PRMT2: variants seen among roughly 807,000 people sequenced by gnomAD.
The protein encoded by PRMT2 is protein arginine methyltransferase 2.
A neutral mutation model predicts 57.6 loss-of-function variants in PRMT2; 26 were observed. The ratio of observed to expected loss-of-function variants is 0.45; its 90% confidence interval spans 0.33 to 0.63. The LOEUF (loss-of-function observed/expected upper bound fraction) is 0.63. PRMT2 is among the 20% of genes least tolerant of loss of function. The pLI, the probability that PRMT2 is intolerant of heterozygous loss-of-function variation, is 0.02. For synonymous variants in PRMT2, 219 were observed against 220.0 expected, an observed-to-expected ratio of 1.00 and a Z score of 0.04; for missense variants, 472 against 564.4, an observed-to-expected ratio of 0.84 and a Z score of 1.66.
intron 3 of PRMT2, among the ~76,000 whole-genome samples, chr21:46,639,911 CTG>C (rs1362946089): frequency 6.6e-6 from 1 of 152,046 alleles, no homozygotes; most frequent in African/African-American, 2.4e-5. Flanking sequence ...TAACATTTTG[CTG>C]TTTGTTTTAT....
chr21:46,643,076 C>G (rs1429351142), intron 3 of PRMT2, among the ~76,000 whole-genome samples: 2 of 151,942 alleles, frequency 1.3e-5, no homozygotes, highest in African/African-American at 4.8e-5. Flanking sequence ...GCTCCAAGGA[C>G]CTGTGTGGGT....
rs1483971423 is a variant in PRMT2 at position 46,664,975 on chromosome 21, T to C, written c.*648T>C. 2.6e-5 allele frequency: 4 copies of C among 152,526 alleles called. No individual in the cohort carries two copies. Among genetic ancestry groups the C allele is most frequent in the Non-Finnish European group, 5.9e-5 (4 of 68,250 alleles). 9.4% of individuals were successfully genotyped at this position (152,526 alleles called of 1,614,324 possible). A position where few individuals can be genotyped will look rare whatever the true frequency, so the allele number is the denominator to read the frequency against. On this transcript the variant is annotated 3_prime_UTR_variant, in exon 12 of 12. Coordinates refer to ENST00000355680, the MANE Select transcript of PRMT2 (RefSeq NM_206962.4). Reference sequence around the variant, plus strand: ...CATTGTGTATCCTGTTTTATGCATATATGTTATTTTTTGTAATTACAGGAT... The same window carrying C: ...CATTGTGTATCCTGTTTTATGCATACATGTTATTTTTTGTAATTACAGGAT...
chr21:46,653,524 C>T, intron 7 of PRMT2: 4 of 1,012,698 alleles, frequency 3.9e-6, no homozygotes, highest in South Asian at 7.6e-5. Context: ...GAAGGACGAT[C>T]TACACAGGGC....
At chr21:46,652,015 T>TGTA in intron 7 of PRMT2, 1 of 1,613,002 alleles carries the variant, frequency 6.2e-7, no homozygotes, top group Non-Finnish European at 8.5e-7. Flanking sequence ...GACGCTGACA[T>TGTA]GTAGTAAAAG....
In PRMT2 at chr21:46,643,611, C is replaced by T. The variant is rs765298078; in HGVS notation, c.116C>T (p.Ala39Val). Residue 39 changes from alanine to valine, a missense_variant, in exon 4 of 12, where the codon GCG becomes GTG. Physicochemically the swap from Ala to Val is moderately conservative, Grantham distance 64 (BLOSUM62 0). Around this residue, in one of 2 missense-constraint regions of PRMT2, gnomAD observed 243 missense variants for 347.2 expected, o/e 0.70. Coordinates refer to ENST00000355680, the MANE Select transcript of PRMT2 (RefSeq NM_206962.4). ...GVQPEEFVAI[A>V]DYAATDETQL... ...CAGCCAGAGGAGTTTGTGGCCATCG[C>T]GGACTACGCTGCCACCGATGAGACC... is the stretch of plus-strand genomic sequence containing the variant. The T allele has an allele frequency of 2.0e-5, 33 of 1,610,616 alleles. No homozygotes were observed. The highest frequency in any genetic ancestry group is 1.8e-4 in the Middle Eastern group (1 of 5,518).
chr21:46,656,981 A>G lies in PRMT2; in HGVS notation c.655-1764A>G, dbSNP rs781027594. On this transcript the variant is annotated intron_variant, in intron 7 of 11. Coordinates refer to ENST00000355680, the MANE Select transcript of PRMT2 (RefSeq NM_206962.4). ...AACTCAACAGGAAGAAAACAAGCCA[A>G]TTGAAAATGGGCAAAATACTTGAAC... The G allele has an allele frequency of 2.0e-5, 3 of 152,238 alleles. No individual in the cohort carries two copies. The South Asian group carries it at 6.2e-4, about 31-fold the overall frequency. 9.4% of individuals were successfully genotyped at this position (152,238 alleles called of 1,614,324 possible).
At chr21:46,654,690 A>C (rs1025145115) in intron 7 of PRMT2, among the ~76,000 whole-genome samples, 1 of 152,260 alleles carries the variant, frequency 6.6e-6, no homozygotes, top group Non-Finnish European at 1.5e-5. Flanking sequence ...AGCTACTTAC[A>C]TAACACTGAC....
At chr21:46,644,579 T>A in intron 5 of PRMT2, 91 bp downstream of exon 5, 2 of 1,325,754 alleles carry the variant, frequency 1.5e-6, no homozygotes, top group Non-Finnish European at 2.0e-6. Flanking sequence ...AGGCCCATAG[T>A]CTTACAGGCC....
intron 9 of PRMT2, 152 bp downstream of exon 9, chr21:46,661,114 A>C: frequency 1.3e-6 from 1 of 758,964 alleles, no homozygotes; most frequent in Non-Finnish European, 1.9e-6. Context: ...AATTTATAAA[A>C]CGTTTGCTAC....
intron 3 of PRMT2, among the ~76,000 whole-genome samples, chr21:46,639,626 C>T (rs938406265): frequency 2.8e-5 from 4 of 141,650 alleles, no homozygotes; most frequent in Non-Finnish European, 6.2e-5. Context: ...CTTGCGTGTA[C>T]CTTTTTTTTA....
intron 5 of PRMT2, among the ~76,000 whole-genome samples, chr21:46,646,510 C>G (rs762374737): frequency 2.0e-5 from 3 of 152,196 alleles, no homozygotes; most frequent in African/African-American, 7.2e-5. Flanking sequence ...GCTCTTTTCA[C>G]GTAGCTGTAG....
At chr21:46,656,189 G>A (rs921547319) in intron 7 of PRMT2, among the ~76,000 whole-genome samples, 4 of 152,158 alleles carry the variant, frequency 2.6e-5, no homozygotes, top group African/African-American at 9.7e-5. Flanking sequence ...ACTTGCCTCT[G>A]CTCCCACCCT....
intron 4 of PRMT2, 148 bp from the exon 5 acceptor site, chr21:46,644,158 T>A: frequency 1.3e-6 from 1 of 749,804 alleles, no homozygotes; most frequent in East Asian, 2.8e-5. Flanking sequence ...TGGTGTCACT[T>A]GCAAACATTC....
intron 3 of PRMT2, among the ~76,000 whole-genome samples, chr21:46,639,706 GTTTGTGTGTGTGTGTGTGTGTA>G (rs1569148700): frequency 6.7e-6 from 1 of 148,502 alleles, no homozygotes; most frequent in Admixed American, 6.7e-5. Flanking sequence ...GTGTGTGTGT[GTTTGTGTGTGTGTGTGTGTGTA>G]TTTTTTTTCC....
intron 7 of PRMT2, chr21:46,653,491 G>A (rs1349851998): frequency 1.8e-5 from 18 of 1,008,676 alleles, no homozygotes; most frequent in East Asian, 1.1e-4. Context: ...GCGTAAACAC[G>A]GGCACTTTCA....
Position 46,664,494 on chromosome 21 carries a change from A to G in PRMT2, c.*167A>G. ...GGTGACGTCAGGGTCCTTCACAGACAAACACGCTTGGGCTCGGCAGGAGCT... is the reference window on the plus strand; with the variant it reads ...GGTGACGTCAGGGTCCTTCACAGACGAACACGCTTGGGCTCGGCAGGAGCT... On this transcript the variant is annotated 3_prime_UTR_variant, in exon 12 of 12. Coordinates refer to ENST00000355680, the MANE Select transcript of PRMT2 (RefSeq NM_206962.4). The G allele has an allele frequency of 1.2e-6, 1 of 865,776 alleles. No homozygotes were observed. Among genetic ancestry groups the G allele is most frequent in the Non-Finnish European group, 1.9e-6 (1 of 538,584 alleles). The allele number at this position is 865,776 out of a possible 1,614,324, so 53.6% of individuals were successfully genotyped here. A position where few individuals can be genotyped will look rare whatever the true frequency, so the allele number is the denominator to read the frequency against.
At position 46,637,055 on chromosome 21, in the gene PRMT2, C is replaced by T. The variant is rs574135348; in HGVS notation, c.39+65C>T. 8.4e-6 allele frequency: 13 copies of T among 1,544,488 alleles called. No individual in the cohort carries two copies. In the East Asian group the frequency reaches 9.1e-5, roughly 11 times the overall value. ...AATGTGAGCATTACAGAGAGCTAAG[C>T]GTCAGCTCACAGATGTGATGGAGCT... On this transcript the variant is annotated intron_variant, in intron 3 of 11. Transcript: ENST00000355680.
intron 7 of PRMT2, among the ~76,000 whole-genome samples, chr21:46,651,600 C>G (rs1298027824): frequency 6.6e-6 from 1 of 151,988 alleles, no homozygotes. Context: ...TGAGGCAGTT[C>G]CGACTTCAGA....
chr21:46,636,405 T>C (rs1440180442), intron 1 of PRMT2, 34 bp from the exon 2 acceptor site: 2 of 152,556 alleles, frequency 1.3e-5, no homozygotes, highest in East Asian at 3.8e-4. Context: ...AAACAAAGAA[T>C]TGCTATGCAA....
Sources: allele counts gnomAD v4.1 joint callset (sites outside exome capture counted in the v4.1 genomes callset), GRCh38; gene constraint gnomAD v4.1.1; regional missense constraint gnomAD v4.1.1; transcripts MANE v1.5; gene names NCBI Gene and HGNC (gene_info 2026-07-23, HGNC 2026-07-21).